TRDMT1: variants seen among roughly 807,000 people sequenced by gnomAD.
The protein encoded by TRDMT1 is tRNA aspartic acid methyltransferase 1.
A neutral mutation model predicts 51.2 loss-of-function variants in TRDMT1; 49 were observed. That is an observed-to-expected ratio of 0.96 (90% CI 0.76 to 1.21). TRDMT1 has a LOEUF of 1.21. Among genes scored for constraint, TRDMT1 ranks in the 50% most tolerant of loss-of-function variants. The probability of loss-of-function intolerance (pLI) is 0.00; values close to 1 mark genes in which losing one functional copy is unlikely to be tolerated. For synonymous variants in TRDMT1, 187 were observed against 164.6 expected, an observed-to-expected ratio of 1.14 and a Z score of -1.04; for missense variants, 534 against 462.3, an observed-to-expected ratio of 1.16 and a Z score of -1.42.
chr10:17,160,153 T>C, intron 6 of TRDMT1, 152 bp downstream of exon 6: 1 of 426,604 alleles, frequency 2.3e-6, no homozygotes, highest in Non-Finnish European at 4.1e-6. Flanking sequence ...CACTAAATTC[T>C]TTGGGAAGGA....
chr10:17,191,483 G>C (rs933855418), intron 1 of TRDMT1, among the ~76,000 whole-genome samples: 1 of 152,150 alleles, frequency 6.6e-6, no homozygotes, highest in African/African-American at 2.4e-5. Context: ...GCAAGAGTTA[G>C]GGCAGTGAGG....
At chr10:17,172,512 G>T (rs1437217274) in intron 2 of TRDMT1, among the ~76,000 whole-genome samples, 1 of 151,842 alleles carries the variant, frequency 6.6e-6, no homozygotes, top group Non-Finnish European at 1.5e-5. Flanking sequence ...AAAAAAAAAT[G>T]AGTAAAAATT....
At chr10:17,179,168 T>C (rs866235290) in intron 1 of TRDMT1, among the ~76,000 whole-genome samples, 5 of 152,274 alleles carry the variant, frequency 3.3e-5, no homozygotes, top group South Asian at 2.1e-4. Context: ...GCATGAGTAA[T>C]CTTTCCGGAA....
rs561861046 is a variant in TRDMT1, at chr10:17,190,583, C to T, written c.64+10988G>A. ...TTTAAAATGTTTTAAATAAAAAGAA[C>T]AAAAATGTTTTATCATGTATTACAG... On this transcript the variant is annotated intron_variant, in intron 1 of 10. Coordinates refer to ENST00000377799, the MANE Select transcript of TRDMT1 (RefSeq NM_004412.7). Among the ~76,000 whole-genome samples the T allele has an allele frequency of 6.3e-4, 96 of 152,162 alleles. 1 individual carries two copies. The highest frequency in any genetic ancestry group is 2.0e-3 in the African/African-American group (85 of 41,536).
chr10:17,186,091 G>T (rs116632337), intron 1 of TRDMT1, among the ~76,000 whole-genome samples: 4 of 107,440 alleles, frequency 3.7e-5, no homozygotes, highest in African/African-American at 1.2e-4. Context: ...AAATAAATAT[G>T]GTCAATGCAG....
intron 1 of TRDMT1, among the ~76,000 whole-genome samples, chr10:17,198,542 C>T (rs1010282024): frequency 3.3e-5 from 5 of 151,982 alleles, no homozygotes; most frequent in African/African-American, 1.2e-4. Context: ...GTGAAATAAG[C>T]CAGACACAAA....
At chr10:17,164,938 C>G (rs960127840) in intron 3 of TRDMT1, among the ~76,000 whole-genome samples, 1 of 152,100 alleles carries the variant, frequency 6.6e-6, no homozygotes, top group South Asian at 2.1e-4. Context: ...AAAATGGCCA[C>G]ATTGCCCAAG....
In TRDMT1 at chr10:17,137,445, G is replaced by A. The variant is rs1837446167; in HGVS notation, c.*11595C>T. 1 of 152,184 alleles carries A rather than the reference G, an allele frequency of 6.6e-6. No homozygotes were observed. The highest frequency in any genetic ancestry group is 6.5e-5 in the Admixed American group (1 of 15,280). 9.4% of individuals were successfully genotyped at this position (152,184 alleles called of 1,614,324 possible). On this transcript the variant is annotated 3_prime_UTR_variant, in exon 11 of 11. Coordinates refer to ENST00000377799, the MANE Select transcript of TRDMT1 (RefSeq NM_004412.7). ...AACATTACAAAGACAAGTGTGACAAGATGGCACAGATACACAGTAGCATGC... is the reference window on the plus strand; with the variant it reads ...AACATTACAAAGACAAGTGTGACAAAATGGCACAGATACACAGTAGCATGC...
At chr10:17,180,066 C>A (rs936312523) in intron 1 of TRDMT1, among the ~76,000 whole-genome samples, 3 of 152,114 alleles carry the variant, frequency 2.0e-5, no homozygotes, top group Non-Finnish European at 2.9e-5. Context: ...TACTACCTGC[C>A]ATTATTGACA....
At chr10:17,183,651 T>A (rs1167881968) in intron 1 of TRDMT1, among the ~76,000 whole-genome samples, 1 of 152,166 alleles carries the variant, frequency 6.6e-6, no homozygotes, top group Admixed American at 6.5e-5. Context: ...ACTCCTGACC[T>A]CATGATCCAC....
At chr10:17,154,833 C>A in intron 8 of TRDMT1, 99 bp from the exon 9 acceptor site, 1 of 1,013,324 alleles carries the variant, frequency 9.9e-7, no homozygotes, top group Non-Finnish European at 1.4e-6. Context: ...TACACAGTTA[C>A]ATCCTTCTGA....
intron 10 of TRDMT1, chr10:17,150,168 T>C (rs1399995548): frequency 6.3e-6 from 1 of 159,004 alleles, no homozygotes; most frequent in Non-Finnish European, 1.3e-5. Flanking sequence ...TTTTCTATTT[T>C]AGCCATCCTA....
At position 17,159,268 on chromosome 10, in the gene TRDMT1, TAA is replaced by T. The variant is rs756011475; in HGVS notation, c.460-41_460-40del. ...AAAGCAGTTAGTTACTCTAAAAAAT[TAA>T]AGAGAGCGGTACCAACTTTAGCACC... On this transcript the variant is annotated intron_variant, in intron 6 of 10. Coordinates refer to ENST00000377799, the MANE Select transcript of TRDMT1 (RefSeq NM_004412.7). 2.3e-5 allele frequency: 34 copies of T among 1,478,922 alleles called. 1 individual carries two copies. In the East Asian group the frequency reaches 7.8e-4, roughly 34 times the overall value. The allele number at this position is 1,478,922 out of a possible 1,614,324, so 91.6% of individuals were successfully genotyped here.
chr10:17,180,539 C>A (rs1241054576), intron 1 of TRDMT1, among the ~76,000 whole-genome samples: 464 of 104,600 alleles, frequency 4.4e-3, no homozygotes, highest in South Asian at 9.0e-3. Flanking sequence ...AACTCTGTCT[C>A]AAAAAAAAAA....
At position 17,146,299 on chromosome 10, in the gene TRDMT1, C is replaced by T. The variant is rs1838102536; in HGVS notation, c.*2741G>A. The T allele has an allele frequency of 3.0e-6, 3 of 985,400 alleles. No homozygotes were observed. The highest frequency in any genetic ancestry group is 3.6e-6 in the Non-Finnish European group (3 of 829,918). 61.0% of individuals were successfully genotyped at this position (985,400 alleles called of 1,614,324 possible). A position where few individuals can be genotyped will look rare whatever the true frequency, so the allele number is the denominator to read the frequency against. On this transcript the variant is annotated 3_prime_UTR_variant, in exon 11 of 11. Coordinates refer to ENST00000377799, the MANE Select transcript of TRDMT1 (RefSeq NM_004412.7). ...CTGAAGGTTGGAGGTATTTTCTCAT[C>T]TTTCCAGACATAGGGCAGTGCCCAT...
At chr10:17,169,306 C>T in intron 2 of TRDMT1, 1 of 1,172,522 alleles carries the variant, frequency 8.5e-7, no homozygotes, top group Non-Finnish European at 1.1e-6. Context: ...TTTTAAATAC[C>T]TACCTGTCAA....
intron 1 of TRDMT1, among the ~76,000 whole-genome samples, chr10:17,194,724 G>C (rs1385470059): frequency 1.3e-5 from 2 of 152,044 alleles, no homozygotes; most frequent in African/African-American, 2.4e-5. Flanking sequence ...CTTGGGATCA[G>C]GAGTTCCAGA....
intron 1 of TRDMT1, among the ~76,000 whole-genome samples, chr10:17,188,351 C>A (rs1047790486): frequency 1.4e-4 from 22 of 152,242 alleles, no homozygotes; most frequent in Admixed American, 1.3e-3. Flanking sequence ...TTTTACCAAC[C>A]CTGTCAAGTG....
Position 17,182,696 on chromosome 10 carries a change from C to G in TRDMT1, c.65-8036G>C, listed in dbSNP as rs537840920. Among the ~76,000 whole-genome samples, 8 of 152,208 alleles carry G rather than the reference C, an allele frequency of 5.3e-5. No homozygotes were observed. In the South Asian group the frequency reaches 1.0e-3, roughly 20 times the overall value. ...ATATGGATACTAAATACAACAAATA[C>G]AGAGAGAGAGCTACTTATAAACTAT... On this transcript the variant is annotated intron_variant, in intron 1 of 10. Coordinates refer to ENST00000377799, the MANE Select transcript of TRDMT1 (RefSeq NM_004412.7).
Sources: gnomAD v4.1 joint callset for allele counts (sites outside exome capture counted in the v4.1 genomes callset) on GRCh38, gnomAD v4.1.1 for gene constraint, MANE v1.5 for transcripts, NCBI Gene and HGNC (gene_info 2026-07-23, HGNC 2026-07-21) for gene names.